KIF5C: variants seen among roughly 807,000 people sequenced by gnomAD.
KIF5C encodes the protein kinesin heavy chain isoform 5C.
A neutral mutation model predicts 125.2 loss-of-function variants in KIF5C; 18 were observed. The observed-to-expected ratio is 0.14, with a 90% CI of 0.10 to 0.21. The LOEUF (loss-of-function observed/expected upper bound fraction) is 0.21. Ranked by LOEUF, KIF5C falls within the 10% of genes least tolerant of loss-of-function variation. KIF5C has a pLI of 1.00. For synonymous variants in KIF5C, 405 were observed against 434.0 expected, an observed-to-expected ratio of 0.93 and a Z score of 0.83; for missense variants, 780 against 1,183.8, an observed-to-expected ratio of 0.66 and a Z score of 5.01.
intron 12 of KIF5C, among the ~76,000 whole-genome samples, chr2:148,977,412 A>T (rs549425356): frequency 5.3e-5 from 8 of 152,226 alleles, no homozygotes; most frequent in Non-Finnish European, 1.2e-4. Context: ...TGGCTCTCCG[A>T]TGGTAAATTC....
At chr2:148,881,034 TACCTCACAGGGTCATTTGGATGA>T (rs1681334902) in intron 1 of KIF5C, among the ~76,000 whole-genome samples, 1 of 151,792 alleles carries the variant, frequency 6.6e-6, no homozygotes. Context: ...AATAATTACT[TACCTCACAGGGTCATTTGGATGA>T]AATGAAATGA....
intron 4 of KIF5C, among the ~76,000 whole-genome samples, chr2:148,938,559 C>G (rs536023035): frequency 3.9e-5 from 6 of 152,282 alleles, no homozygotes; most frequent in African/African-American, 1.4e-4. Flanking sequence ...ATTTCCAACT[C>G]TAAATTCCCT....
chr2:148,906,127 T>C (rs1000314430), intron 1 of KIF5C, among the ~76,000 whole-genome samples: 2 of 152,058 alleles, frequency 1.3e-5, no homozygotes, highest in South Asian at 2.1e-4. Context: ...TGAGACTCCC[T>C]TGGGGCCAGA....
intron 23 of KIF5C, among the ~76,000 whole-genome samples, chr2:149,009,147 T>A (rs919084690): frequency 6.6e-6 from 1 of 151,272 alleles, no homozygotes; most frequent in Non-Finnish European, 1.5e-5. Flanking sequence ...GCGCCACCAC[T>A]CCTGGCTAAT....
intron 18 of KIF5C, 137 bp downstream of exon 18, chr2:148,997,477 C>A: frequency 6.8e-7 from 1 of 1,468,210 alleles, no homozygotes; most frequent in South Asian, 1.3e-5. Context: ...GTTGGGCATT[C>A]AGAGTCGATC....
At chr2:148,996,427 T>C (rs143834117) in intron 17 of KIF5C, among the ~76,000 whole-genome samples, 1 of 152,348 alleles carries the variant, frequency 6.6e-6, no homozygotes, top group Non-Finnish European at 1.5e-5. Flanking sequence ...AAACTGCACA[T>C]GGAAAATCAT....
At chr2:148,945,225 C>G (rs765604442) in intron 7 of KIF5C, among the ~76,000 whole-genome samples, 1 of 152,052 alleles carries the variant, frequency 6.6e-6, no homozygotes, top group Non-Finnish European at 1.5e-5. Flanking sequence ...TGTCATGAAG[C>G]TTTTCTCCTG....
intron 1 of KIF5C, among the ~76,000 whole-genome samples, chr2:148,887,585 A>G (rs1681575707): frequency 6.6e-6 from 1 of 152,180 alleles, no homozygotes; most frequent in South Asian, 2.1e-4. Flanking sequence ...CAGAGAAAGC[A>G]CATTCGATTC....
intron 1 of KIF5C, among the ~76,000 whole-genome samples, chr2:148,915,110 G>A (rs1239671007): frequency 6.6e-6 from 1 of 152,126 alleles, no homozygotes; most frequent in Admixed American, 6.5e-5. Flanking sequence ...GAGGTAAAGG[G>A]GTGTAGAAAG....
chr2:148,890,413 A>T (rs1032533351), intron 1 of KIF5C, among the ~76,000 whole-genome samples: 1 of 152,094 alleles, frequency 6.6e-6, no homozygotes, highest in Non-Finnish European at 1.5e-5. Flanking sequence ...AAGCAGGAAG[A>T]TCACTTGAGC....
intron 15 of KIF5C, among the ~76,000 whole-genome samples, chr2:148,989,917 T>A (rs1447898670): frequency 6.6e-6 from 1 of 152,174 alleles, no homozygotes; most frequent in Non-Finnish European, 1.5e-5. Context: ...ACTGAACAGA[T>A]AGTGATATGA....
chr2:148,992,078 G>A (rs1197983552), intron 16 of KIF5C, among the ~76,000 whole-genome samples: 1 of 152,174 alleles, frequency 6.6e-6, no homozygotes, highest in Non-Finnish European at 1.5e-5. Flanking sequence ...ACATGGATTG[G>A]TGTGTCAAAT....
At chr2:148,960,883 CTT>C (rs1420161459) in intron 10 of KIF5C, among the ~76,000 whole-genome samples, 1 of 152,234 alleles carries the variant, frequency 6.6e-6, no homozygotes, top group African/African-American at 2.4e-5. Flanking sequence ...TTTAATGAAG[CTT>C]TACCTTCTTG....
rs1459195999 is a variant in KIF5C at position 148,985,357 on chromosome 2, C to T, written c.1716+1591C>T. ...TAAAGCTGCACATATTTAAAGTATA[C>T]AGTCTGAGAAATTTTGACGTATGTG... On this transcript the variant is annotated intron_variant, in intron 15 of 25. Transcript: ENST00000435030. Among the ~76,000 whole-genome samples the T allele has an allele frequency of 3.3e-5, 5 of 152,086 alleles. No homozygotes were observed. The East Asian group carries it at 9.6e-4, about 29-fold the overall frequency.
At chr2:149,020,117 A>T (rs1574843269) in intron 25 of KIF5C, 1 of 152,208 alleles carries the variant, frequency 6.6e-6, no homozygotes, top group Admixed American at 6.5e-5. Context: ...GCTTTATCTC[A>T]GGGCAAAACC....
At chr2:148,929,188 G>A in intron 2 of KIF5C, 93 bp from the exon 3 acceptor site, 1 of 699,592 alleles carries the variant, frequency 1.4e-6, no homozygotes, top group East Asian at 2.8e-5. Flanking sequence ...AATGAGATGG[G>A]CCATTTGGAA....
chr2:149,004,452 C>G (rs1051944228), intron 21 of KIF5C, among the ~76,000 whole-genome samples: 1 of 152,120 alleles, frequency 6.6e-6, no homozygotes, highest in Admixed American at 6.5e-5. Flanking sequence ...CTTGAGCAGA[C>G]AGAAATGTTT....
chr2:149,018,697 G>A (rs996265371), intron 25 of KIF5C, among the ~76,000 whole-genome samples: 1 of 152,040 alleles, frequency 6.6e-6, no homozygotes, highest in Non-Finnish European at 1.5e-5. Context: ...AAATTAGCTA[G>A]GTATGGCAGC....
chr2:148,915,437 G>A (rs1434762918), intron 1 of KIF5C, among the ~76,000 whole-genome samples: 1 of 152,208 alleles, frequency 6.6e-6, no homozygotes, highest in Non-Finnish European at 1.5e-5. Flanking sequence ...GGCCCCGTGG[G>A]ACCATTGCTT....
Sources: allele counts gnomAD v4.1 joint callset (sites outside exome capture counted in the v4.1 genomes callset), GRCh38; gene constraint gnomAD v4.1.1; transcripts MANE v1.5; gene names NCBI Gene and HGNC (gene_info 2026-07-23, HGNC 2026-07-21).